The following KRCC1 variants were observed in gnomAD, a reference collection of about 807,000 sequenced individuals.
The protein encoded by KRCC1 is lysine rich coiled-coil 1.
Under a neutral mutation model 7.4 loss-of-function variants are expected in KRCC1, and 3 were observed. The ratio of observed to expected loss-of-function variants is 0.40; its 90% CI spans 0.18 to 1.04. The LOEUF (loss-of-function observed/expected upper bound fraction) is 1.04, where lower values mean the gene tolerates loss of function less well. Ranked by LOEUF, KRCC1 falls within the 50% of genes least tolerant of loss-of-function variation. The probability of loss-of-function intolerance (pLI) is 0.33; values close to 1 mark genes in which losing one functional copy is unlikely to be tolerated. For missense variants in KRCC1, 277 were observed against 300.9 expected, an observed-to-expected ratio of 0.92 and a Z score of 0.59; for synonymous variants, 102 against 101.6, an observed-to-expected ratio of 1.00 and a Z score of -0.02.
intron 1 of KRCC1, among the ~76,000 whole-genome samples, chr2:88,039,585 G>C (rs1673162605): frequency 6.6e-6 from 1 of 152,100 alleles, no homozygotes. Context: ...CTATTCAGGA[G>C]GCTGAAGTAC....
intron 1 of KRCC1, among the ~76,000 whole-genome samples, chr2:88,047,768 G>A (rs566065560): frequency 6.6e-6 from 1 of 151,942 alleles, no homozygotes; most frequent in East Asian, 1.9e-4. Flanking sequence ...GAGCTCAAGT[G>A]ATCTGCCGCC....
chr2:88,029,355 A>C (rs1377800886), intron 3 of KRCC1, among the ~76,000 whole-genome samples: 1 of 152,272 alleles, frequency 6.6e-6, no homozygotes, highest in Non-Finnish European at 1.5e-5. Context: ...AAGATAAAAT[A>C]AACGTACTCA....
intron 1 of KRCC1, among the ~76,000 whole-genome samples, chr2:88,054,281 C>T (rs4426530): frequency 0.9 from 137,766 of 152,246 alleles, 62,703 homozygotes; most frequent in East Asian, 1. Context: ...CTCTTTTGAG[C>T]TCCTGTTGGA....
At chr2:88,051,004 GC>G (rs1157847974) in intron 1 of KRCC1, among the ~76,000 whole-genome samples, 2 of 150,106 alleles carry the variant, frequency 1.3e-5, no homozygotes, top group African/African-American at 4.9e-5. Context: ...GCTCACCGTA[GC>G]CTCGACCTCC....
chr2:88,050,684 T>C (rs1384544921), intron 1 of KRCC1, among the ~76,000 whole-genome samples: 1 of 151,794 alleles, frequency 6.6e-6, no homozygotes, highest in Non-Finnish European at 1.5e-5. Flanking sequence ...AGTTTTGTTT[T>C]TACTATGATT....
chr2:88,033,366 A>G (rs570483689), intron 3 of KRCC1, among the ~76,000 whole-genome samples: 1 of 152,290 alleles, frequency 6.6e-6, no homozygotes, highest in East Asian at 1.9e-4. Flanking sequence ...CTCTACTAAA[A>G]ATACAAAAAA....
At chr2:88,045,758 A>G (rs1673316803) in intron 1 of KRCC1, among the ~76,000 whole-genome samples, 1 of 151,902 alleles carries the variant, frequency 6.6e-6, no homozygotes, top group Non-Finnish European at 1.5e-5. Context: ...ATCTTGGCTC[A>G]CCGCAACCTC....
At chr2:88,048,728 C>T (rs1273719460) in intron 1 of KRCC1, among the ~76,000 whole-genome samples, 3 of 152,192 alleles carry the variant, frequency 2.0e-5, no homozygotes, top group Non-Finnish European at 4.4e-5. Context: ...TGAATAGAAG[C>T]GGTGAGAATG....
intron 1 of KRCC1, among the ~76,000 whole-genome samples, chr2:88,049,581 C>T (rs1481635829): frequency 2.0e-5 from 3 of 152,250 alleles, no homozygotes; most frequent in Admixed American, 6.5e-5. Context: ...CTGGGGAAGT[C>T]GAGGCTGCAG....
In KRCC1 at chr2:88,028,734, T is replaced by C. The variant is rs1672936200; in HGVS notation, c.-22-149A>G. Reference sequence around the variant, plus strand: ...GGGTTGCTCTTGGGTCACTGCAACCTCTGCCTCTTGGGTTCAAGTGATTCT... The same window carrying C: ...GGGTTGCTCTTGGGTCACTGCAACCCCTGCCTCTTGGGTTCAAGTGATTCT... On this transcript the variant is annotated intron_variant, in intron 3 of 3. Coordinates refer to ENST00000347055, the MANE Select transcript of KRCC1 (RefSeq NM_016618.3). The C allele has an allele frequency of 8.8e-6, 5 of 566,442 alleles. No homozygotes were observed. In the South Asian group the frequency reaches 9.0e-5, roughly 10 times the overall value. 35.1% of individuals were successfully genotyped at this position (566,442 alleles called of 1,614,324 possible).
chr2:88,035,708 G>A (rs905575242), intron 2 of KRCC1, among the ~76,000 whole-genome samples: 2 of 152,102 alleles, frequency 1.3e-5, no homozygotes, highest in Non-Finnish European at 1.5e-5. Flanking sequence ...ACACAGTTAT[G>A]AATGATGTAT....
chr2:88,027,944 A>G lies in KRCC1; in HGVS notation c.620T>C (p.Val207Ala). ...CTTAAGCTTTTCTGTACTGACATGTACGGTTTCTATTTCCACCTCTGTTTT... is the reference window on the plus strand; with the variant it reads ...CTTAAGCTTTTCTGTACTGACATGTGCGGTTTCTATTTCCACCTCTGTTTT... ...RKKTEVEIET[V>A]HVSTEKLKNR... The change falls in exon 4 of 4, where the codon GTA becomes GCA. Residue 207 changes from valine to alanine, a missense_variant. Physicochemically the swap from Val to Ala is moderately conservative, Grantham distance 64 (BLOSUM62 0). Transcript: ENST00000347055. The G allele has an allele frequency of 6.2e-7, 1 of 1,613,720 alleles. No homozygotes were observed. Among genetic ancestry groups the G allele is most frequent in the Non-Finnish European group, 8.5e-7 (1 of 1,179,986 alleles).
intron 3 of KRCC1, among the ~76,000 whole-genome samples, chr2:88,029,762 C>T (rs1005861964): frequency 6.6e-6 from 1 of 150,650 alleles, no homozygotes; most frequent in African/African-American, 2.4e-5. Flanking sequence ...CTTTTCCTCA[C>T]CTCAAATCCT....
chr2:88,052,655 C>T (rs1412380427), intron 1 of KRCC1, among the ~76,000 whole-genome samples: 1 of 152,158 alleles, frequency 6.6e-6, no homozygotes, highest in African/African-American at 2.4e-5. Flanking sequence ...TTCAGATGAC[C>T]AGTTATAAAG....
intron 3 of KRCC1, among the ~76,000 whole-genome samples, chr2:88,029,359 G>A (rs182688067): frequency 2.0e-5 from 3 of 152,288 alleles, no homozygotes; most frequent in East Asian, 1.9e-4. Flanking sequence ...TAAAATAAAC[G>A]TACTCACCTG....
chr2:88,035,247 T>A (rs891669739), intron 2 of KRCC1, among the ~76,000 whole-genome samples: 6 of 152,184 alleles, frequency 3.9e-5, no homozygotes, highest in Non-Finnish European at 8.8e-5. Flanking sequence ...TACATTTTTT[T>A]CTTCTTCCTT....
At position 88,034,134 on chromosome 2, in the gene KRCC1, C is replaced by T. The variant is rs1040349211; in HGVS notation, c.-23G>A. ...AAGAGGTGAATGGAACCTTACTTAC[C>T]CTTATCAGGCTGAGAATTTGGTGGA... On this transcript the variant is annotated splice_region_variant and 5_prime_UTR_variant, in exon 3 of 4. Transcript: ENST00000347055. 1 of 152,556 alleles carries T rather than the reference C, an allele frequency of 6.6e-6. No homozygotes were observed. The highest frequency in any genetic ancestry group is 2.4e-5 in the African/African-American group (1 of 41,422). The allele number at this position is 152,556 out of a possible 1,614,324, so 9.5% of individuals were successfully genotyped here.
intron 1 of KRCC1, among the ~76,000 whole-genome samples, chr2:88,041,363 T>C (rs1254197947): frequency 6.6e-6 from 1 of 152,086 alleles, no homozygotes; most frequent in African/African-American, 2.4e-5. Flanking sequence ...AGGAGAGAAG[T>C]AGGGAGTGGA....
intron 1 of KRCC1, among the ~76,000 whole-genome samples, chr2:88,050,924 CTTTT>C (rs60827041): frequency 0.6 from 75,248 of 125,148 alleles, 21,099 homozygotes; most frequent in South Asian, 0.74. Context: ...TCCTTACTTG[CTTTT>C]TTTTTTTTTT....
Sources: gnomAD v4.1 joint callset for allele counts (sites outside exome capture counted in the v4.1 genomes callset) on GRCh38, gnomAD v4.1.1 for gene constraint, MANE v1.5 for transcripts, NCBI Gene and HGNC (gene_info 2026-07-23, HGNC 2026-07-21) for gene names.